Variants in CCSER2 observed in about 807,000 individuals in gnomAD.
CCSER2 encodes serine-rich coiled-coil domain-containing protein 2.
In CCSER2, 46 loss-of-function variants were observed where a neutral mutation model predicts 92.3. The observed-to-expected ratio is 0.50, with a 90% confidence interval of 0.39 to 0.64. The LOEUF is 0.64. Ranked by LOEUF, CCSER2 falls within the 30% of genes least tolerant of loss-of-function variation. The pLI is 0.00. For missense variants in CCSER2, 1,244 were observed against 1,238.9 expected (o/e 1.00, Z -0.06); for synonymous variants, 433 against 431.4 (o/e 1.00, Z -0.04).
intron 9 of CCSER2, among the ~76,000 whole-genome samples, chr10:84,493,161 G>T (rs1848264562): frequency 6.6e-6 from 1 of 152,086 alleles, no homozygotes; most frequent in South Asian, 2.1e-4. Flanking sequence ...CTATTCAAAT[G>T]ACTTCTTTCA....
intron 7 of CCSER2, among the ~76,000 whole-genome samples, chr10:84,470,029 T>TC (rs1846689070): frequency 6.6e-6 from 1 of 150,590 alleles, no homozygotes; most frequent in Admixed American, 6.6e-5. Context: ...TTTTTTTTTT[T>TC]TTTTTTTTAC....
intron 6 of CCSER2, among the ~76,000 whole-genome samples, chr10:84,440,526 T>C (rs1844465879): frequency 6.6e-6 from 1 of 152,134 alleles, no homozygotes. Context: ...TCTGGCCCCC[T>C]CCCCACCTCA....
chr10:84,391,230 A>G, intron 3 of CCSER2: 1 of 1,240,988 alleles, frequency 8.1e-7, no homozygotes, highest in South Asian at 1.2e-5. Context: ...CAATGAGGAA[A>G]ACTTGCCCAA....
chr10:84,381,938 G>C (rs201068002), intron 3 of CCSER2, among the ~76,000 whole-genome samples: 1 of 97,810 alleles, frequency 1.0e-5, no homozygotes. Context: ...AAAAAAAAAA[G>C]AACATCCGTC....
intron 6 of CCSER2, among the ~76,000 whole-genome samples, chr10:84,453,248 ATATATTTCTATGATATAAGTTCT>A (rs1258226311): frequency 6.6e-6 from 1 of 152,152 alleles, no homozygotes; most frequent in African/African-American, 2.4e-5. Flanking sequence ...GATCAGAACA[ATATATTTCTATGATATAAGTTCT>A]TTGGAAGGTG....
At chr10:84,464,786 C>T (rs996265383) in intron 7 of CCSER2, among the ~76,000 whole-genome samples, 1 of 152,016 alleles carries the variant, frequency 6.6e-6, no homozygotes, top group African/African-American at 2.4e-5. Flanking sequence ...TGTTATTGTG[C>T]CAGTGGGAAG....
intron 3 of CCSER2, among the ~76,000 whole-genome samples, chr10:84,392,436 A>T (rs1173875991): frequency 2.6e-5 from 4 of 152,130 alleles, no homozygotes; most frequent in Admixed American, 6.5e-5. Context: ...GGGACAAGAA[A>T]GAGGAACAAT....
chr10:84,348,236 C>T (rs570156226), intron 1 of CCSER2, among the ~76,000 whole-genome samples: 5 of 152,352 alleles, frequency 3.3e-5, no homozygotes, highest in Admixed American at 6.5e-5. Flanking sequence ...GGATCACTCG[C>T]GGTTAGGAGC....
intron 3 of CCSER2, among the ~76,000 whole-genome samples, chr10:84,409,543 A>G (rs1029711110): frequency 2.0e-5 from 3 of 151,640 alleles, no homozygotes; most frequent in Non-Finnish European, 4.4e-5. Context: ...TTAATTCTGT[A>G]CATGCTGTTT....
Position 84,517,245 on chromosome 10 carries a change from T to A in CCSER2, c.*2978T>A, listed in dbSNP as rs1849626608. ...GAGTATTCAGACTTTGATATTTGGC[T>A]GTTAATGGGATGCATATCAAATTTT... On this transcript the variant is annotated 3_prime_UTR_variant, in exon 10 of 10. Transcript: ENST00000372088. 1 of 152,634 alleles carries A rather than the reference T, an allele frequency of 6.6e-6. No homozygotes were observed. The highest frequency in any genetic ancestry group is 1.5e-5 in the Non-Finnish European group (1 of 68,042). The allele number at this position is 152,634 out of a possible 1,614,324, so 9.5% of individuals were successfully genotyped here.
intron 3 of CCSER2, chr10:84,389,198 A>T (rs1220313204): frequency 5.3e-6 from 2 of 376,512 alleles, no homozygotes; most frequent in Non-Finnish European, 1.0e-5. Flanking sequence ...ACCACTGTTT[A>T]TGTCATCTAT....
chr10:84,456,921 C>T (rs1420035910), intron 6 of CCSER2, among the ~76,000 whole-genome samples: 1 of 151,580 alleles, frequency 6.6e-6, no homozygotes, highest in African/African-American at 2.4e-5. Context: ...ACACAAATGT[C>T]TTTTCTTACT....
At chr10:84,478,287 C>T (rs977059196) in intron 9 of CCSER2, among the ~76,000 whole-genome samples, 8 of 152,100 alleles carry the variant, frequency 5.3e-5, no homozygotes, top group African/African-American at 1.9e-4. Context: ...GTTCTCAGAA[C>T]TTAGTGCAGG....
intron 1 of CCSER2, among the ~76,000 whole-genome samples, chr10:84,363,798 T>G (rs889955749): frequency 6.6e-6 from 1 of 152,224 alleles, no homozygotes; most frequent in Non-Finnish European, 1.5e-5. Context: ...AGTAGGCTTC[T>G]CAGAATACAG....
chr10:84,406,945 T>C (rs969335372), intron 3 of CCSER2, among the ~76,000 whole-genome samples: 8 of 152,160 alleles, frequency 5.3e-5, no homozygotes, highest in Admixed American at 2.0e-4. Context: ...TCTAATGATA[T>C]CTGTGATGTC....
At chr10:84,334,211 T>G (rs1843715978) in intron 1 of CCSER2, among the ~76,000 whole-genome samples, 1 of 152,108 alleles carries the variant, frequency 6.6e-6, no homozygotes, top group Admixed American at 6.6e-5. Flanking sequence ...ATAAGCTGAT[T>G]GTGGTTGTAT....
At chr10:84,458,455 T>C (rs1394510827) in intron 6 of CCSER2, among the ~76,000 whole-genome samples, 1 of 152,200 alleles carries the variant, frequency 6.6e-6, no homozygotes, top group Non-Finnish European at 1.5e-5. Context: ...AGTAAGTCTT[T>C]AAGTAGTGTG....
At chr10:84,435,890 A>G (rs563078105) in intron 5 of CCSER2, among the ~76,000 whole-genome samples, 2 of 152,124 alleles carry the variant, frequency 1.3e-5, no homozygotes, top group Non-Finnish European at 2.9e-5. Flanking sequence ...GTGTCAGCTG[A>G]TTTAAGATGA....
At chr10:84,346,608 T>G (rs1323903099) in intron 1 of CCSER2, among the ~76,000 whole-genome samples, 3 of 151,936 alleles carry the variant, frequency 2.0e-5, no homozygotes, top group African/African-American at 7.3e-5. Context: ...TTGCTATATA[T>G]TACATGAGAA....
Sources: gnomAD v4.1 joint callset for allele counts (sites outside exome capture counted in the v4.1 genomes callset) on GRCh38, gnomAD v4.1.1 for gene constraint, MANE v1.5 for transcripts, NCBI Gene and HGNC (gene_info 2026-07-23, HGNC 2026-07-21) for gene names.